The following PABPC4L variants were observed in gnomAD, a reference collection of about 807,000 sequenced individuals.
PABPC4L encodes the protein poly(A) binding protein cytoplasmic 4 like, also known as polyadenylate-binding protein 4-like.
For synonymous variants in PABPC4L, 169 were observed against 164.1 expected (o/e 1.03, Z -0.23); for missense variants, 452 against 451.4 (o/e 1.00, Z -0.01).
the PABPC4L span, among the ~76,000 whole-genome samples, chr4:134,189,614 T>G: frequency 6.6e-6 from 1 of 152,184 alleles, no homozygotes; most frequent in East Asian, 1.9e-4. Context: ...TAAAAAGAAC[T>G]GTGGTACCTA....
chr4:134,165,184 A>T, the PABPC4L span, among the ~76,000 whole-genome samples: 1 of 152,106 alleles, frequency 6.6e-6, no homozygotes, highest in Non-Finnish European at 1.5e-5. Flanking sequence ...AAAAATTCTA[A>T]AAGAAAACCT....
At chr4:134,067,691 C>T in the PABPC4L span, among the ~76,000 whole-genome samples, 1 of 151,958 alleles carries the variant, frequency 6.6e-6, no homozygotes, top group East Asian at 1.9e-4. Flanking sequence ...TCTTAACCAC[C>T]TTAGTAATGT....
chr4:134,050,995 A>G, the PABPC4L span, among the ~76,000 whole-genome samples: 14 of 151,934 alleles, frequency 9.2e-5, no homozygotes, highest in African/African-American at 3.1e-4. Flanking sequence ...ATATTTTAAA[A>G]TATTGTTCTA....
chr4:134,158,272 G>A, the PABPC4L span, among the ~76,000 whole-genome samples: 2 of 151,924 alleles, frequency 1.3e-5, no homozygotes, highest in Non-Finnish European at 2.9e-5. Context: ...TATCTAAAAT[G>A]TCAGAATATT....
chr4:133,991,369 T>A, the PABPC4L span, among the ~76,000 whole-genome samples: 1 of 152,298 alleles, frequency 6.6e-6, no homozygotes, highest in East Asian at 1.9e-4. Flanking sequence ...AACTACGTAT[T>A]GATTGATTCC....
the PABPC4L span, among the ~76,000 whole-genome samples, chr4:133,995,096 C>T: frequency 1.2e-4 from 19 of 152,250 alleles, no homozygotes; most frequent in Admixed American, 6.5e-4. Context: ...TAGTTTGGAG[C>T]GGGGCCTGGG....
the PABPC4L span, among the ~76,000 whole-genome samples, chr4:134,130,992 C>A: frequency 6.6e-6 from 1 of 152,012 alleles, no homozygotes; most frequent in Non-Finnish European, 1.5e-5. Context: ...AATACATCAT[C>A]CCTTTATGAT....
the PABPC4L span, among the ~76,000 whole-genome samples, chr4:134,169,150 T>A: frequency 1.3e-5 from 2 of 151,994 alleles, no homozygotes; most frequent in African/African-American, 4.8e-5. Context: ...AGTCAACATA[T>A]GCAAATTGAA....
the PABPC4L span, among the ~76,000 whole-genome samples, chr4:134,161,221 C>T: frequency 6.6e-6 from 1 of 150,598 alleles, no homozygotes; most frequent in Non-Finnish European, 1.5e-5. Flanking sequence ...TAAATGCAGG[C>T]TACATGGAAA....
chr4:134,038,230 T>A, the PABPC4L span, among the ~76,000 whole-genome samples: 5 of 152,244 alleles, frequency 3.3e-5, no homozygotes, highest in South Asian at 1.0e-3. Flanking sequence ...GTGCCAGTAT[T>A]TTGTCTAAGA....
At chr4:134,157,178 G>T in the PABPC4L span, among the ~76,000 whole-genome samples, 1 of 150,434 alleles carries the variant, frequency 6.6e-6, no homozygotes, top group South Asian at 2.1e-4. Flanking sequence ...GTTTAACACT[G>T]TCCATTTTAA....
chr4:134,084,203 C>T, the PABPC4L span, among the ~76,000 whole-genome samples: 1 of 152,014 alleles, frequency 6.6e-6, no homozygotes, highest in African/African-American at 2.4e-5. Flanking sequence ...CTCACAGCAC[C>T]ATGCCTAGCT....
At chr4:134,027,515 C>T in the PABPC4L span, among the ~76,000 whole-genome samples, 1 of 152,160 alleles carries the variant, frequency 6.6e-6, no homozygotes, top group Admixed American at 6.6e-5. Flanking sequence ...ATCTTCGCTA[C>T]TGTTAATAGT....
chr4:134,034,335 C>T, the PABPC4L span, among the ~76,000 whole-genome samples: 2 of 151,720 alleles, frequency 1.3e-5, no homozygotes, highest in South Asian at 2.1e-4. Context: ...GAGCTCTGAC[C>T]GAGATGTACA....
chr4:134,187,921 T>C, the PABPC4L span, among the ~76,000 whole-genome samples: 1 of 152,082 alleles, frequency 6.6e-6, no homozygotes, highest in Non-Finnish European at 1.5e-5. Flanking sequence ...ATTAAAGTAA[T>C]TTTTATTTAG....
At chr4:134,010,227 G>T in the PABPC4L span, among the ~76,000 whole-genome samples, 1 of 151,926 alleles carries the variant, frequency 6.6e-6, no homozygotes, top group African/African-American at 2.4e-5. Context: ...TGTATAATTT[G>T]CAACCTGCTT....
At chr4:134,077,735 C>G in the PABPC4L span, among the ~76,000 whole-genome samples, 1 of 152,138 alleles carries the variant, frequency 6.6e-6, no homozygotes, top group Non-Finnish European at 1.5e-5. Context: ...AATTAATTTT[C>G]TCTATTTCCA....
At chr4:134,018,577 C>A in the PABPC4L span, among the ~76,000 whole-genome samples, 1 of 152,064 alleles carries the variant, frequency 6.6e-6, no homozygotes, top group Admixed American at 6.6e-5. Context: ...TGTACTTTCA[C>A]CCTTCTTTCA....
At chr4:134,002,116 A>G in the PABPC4L span, among the ~76,000 whole-genome samples, 2 of 84,330 alleles carry the variant, frequency 2.4e-5, no homozygotes, top group Non-Finnish European at 3.8e-5. Context: ...TCTTCAGATC[A>G]TAATAATAAT....
Sources: allele counts gnomAD v4.1 joint callset (sites outside exome capture counted in the v4.1 genomes callset), GRCh38; gene constraint gnomAD v4.1.1; transcripts MANE v1.5; gene names NCBI Gene and HGNC (gene_info 2026-07-23, HGNC 2026-07-21).